RPS6KC1: variants seen among roughly 807,000 people sequenced by gnomAD.
RPS6KC1 encodes the protein inactive ribosomal protein S6 kinase delta-1.
Under a neutral mutation model 103.8 loss-of-function variants are expected in RPS6KC1, and 54 were observed. The observed-to-expected ratio is 0.52, with a 90% CI of 0.42 to 0.65. RPS6KC1 has a LOEUF of 0.65. Ranked by LOEUF, RPS6KC1 falls within the 30% of genes least tolerant of loss-of-function variation. The probability of loss-of-function intolerance (pLI) is 0.00; values close to 1 mark genes in which losing one functional copy is unlikely to be tolerated. For missense variants in RPS6KC1, 1,151 were observed against 1,253.8 expected (o/e 0.92, Z 1.24); for synonymous variants, 439 against 438.7 (o/e 1.00, Z -0.01).
At chr1:213,579,542 A>G in the RPS6KC1 span, among the ~76,000 whole-genome samples, 1 of 152,132 alleles carries the variant, frequency 6.6e-6, no homozygotes, top group Non-Finnish European at 1.5e-5. Flanking sequence ...ATAATAGACA[A>G]CAGATTTTCC....
the RPS6KC1 span, among the ~76,000 whole-genome samples, chr1:213,486,387 A>G: frequency 6.6e-6 from 1 of 152,168 alleles, no homozygotes; most frequent in African/African-American, 2.4e-5. Flanking sequence ...TGAGCTTCCC[A>G]GTTTAATTTG....
the RPS6KC1 span, among the ~76,000 whole-genome samples, chr1:213,484,479 T>C: frequency 6.6e-6 from 1 of 152,224 alleles, no homozygotes; most frequent in African/African-American, 2.4e-5. Context: ...ACAGGGTTGC[T>C]TCACAACATG....
At chr1:213,292,182 A>G in the RPS6KC1 span, among the ~76,000 whole-genome samples, 1 of 152,152 alleles carries the variant, frequency 6.6e-6, no homozygotes, top group Admixed American at 6.5e-5. Flanking sequence ...GCACACCAGC[A>G]TGGCACATGT....
At chr1:213,376,124 G>C in the RPS6KC1 span, among the ~76,000 whole-genome samples, 14 of 142,324 alleles carry the variant, frequency 9.8e-5, no homozygotes, top group East Asian at 2.8e-3. Flanking sequence ...GTGTGTGTGT[G>C]TGTGTGTAAA....
chr1:213,370,256 T>TATTTG, the RPS6KC1 span, among the ~76,000 whole-genome samples: 1 of 150,604 alleles, frequency 6.6e-6, no homozygotes, highest in Non-Finnish European at 1.5e-5. Context: ...TTATTTATTT[T>TATTTG]ATTTTATTTT....
At chr1:213,567,924 C>T in the RPS6KC1 span, among the ~76,000 whole-genome samples, 2 of 152,168 alleles carry the variant, frequency 1.3e-5, no homozygotes, top group Non-Finnish European at 2.9e-5. Flanking sequence ...CCTGTAATAA[C>T]TTTATTTCTG....
chr1:213,318,796 A>G, the RPS6KC1 span, among the ~76,000 whole-genome samples: 10 of 152,284 alleles, frequency 6.6e-5, no homozygotes, highest in East Asian at 3.9e-4. Context: ...CCATGATTCA[A>G]TTACCTCCCA....
At chr1:213,317,761 T>C in the RPS6KC1 span, among the ~76,000 whole-genome samples, 14 of 152,234 alleles carry the variant, frequency 9.2e-5, no homozygotes, top group African/African-American at 2.7e-4. Flanking sequence ...TTATTGGTCA[T>C]ACTGAGGCAT....
chr1:213,118,390 T>A (rs966815585), intron 5 of RPS6KC1, among the ~76,000 whole-genome samples: 3 of 152,098 alleles, frequency 2.0e-5, no homozygotes, highest in African/African-American at 7.2e-5. Context: ...TTAGGTGGCT[T>A]AGGTTTGGTT....
the RPS6KC1 span, among the ~76,000 whole-genome samples, chr1:213,471,751 T>G: frequency 6.6e-6 from 1 of 152,044 alleles, no homozygotes; most frequent in Admixed American, 6.6e-5. Flanking sequence ...GCCTTCATTT[T>G]TTTTTTTTTT....
At chr1:213,065,265 G>A (rs2078229892) in intron 1 of RPS6KC1, among the ~76,000 whole-genome samples, 2 of 152,120 alleles carry the variant, frequency 1.3e-5, no homozygotes, top group South Asian at 2.1e-4. Flanking sequence ...TTGAGCCATC[G>A]TGTCTGGCCC....
chr1:213,602,120 C>CTTTCTTTCTTTCTTTGTTCTTTCTTTCTT, the RPS6KC1 span, among the ~76,000 whole-genome samples: 1 of 5,154 alleles, frequency 1.9e-4, no homozygotes, highest in Non-Finnish European at 3.7e-4. Flanking sequence ...TTCTTTCTTT[C>CTTTCTTTCTTTCTTTGTTCTTTCTTTCTT]TCTTTCTTTC....
chr1:213,426,035 T>A, the RPS6KC1 span, among the ~76,000 whole-genome samples: 1 of 151,910 alleles, frequency 6.6e-6, no homozygotes, highest in African/African-American at 2.4e-5. Context: ...TTGTTCCTTT[T>A]CTTCTTCTTC....
At chr1:213,240,212 C>T (rs971818962) in intron 10 of RPS6KC1, among the ~76,000 whole-genome samples, 1 of 152,062 alleles carries the variant, frequency 6.6e-6, no homozygotes. Flanking sequence ...TTCCTCCAAT[C>T]CTGGACTGGA....
chr1:213,857,504 G>A, the RPS6KC1 span, among the ~76,000 whole-genome samples: 1 of 152,222 alleles, frequency 6.6e-6, no homozygotes, highest in Admixed American at 6.5e-5. Context: ...CATTTCACCA[G>A]GACTCCTCAA....
chr1:213,177,740 AG>A (rs758290269), intron 8 of RPS6KC1, among the ~76,000 whole-genome samples: 1 of 152,130 alleles, frequency 6.6e-6, no homozygotes, highest in Non-Finnish European at 1.5e-5. Context: ...AGTAGTTTCT[AG>A]GTTCTCAGAT....
At chr1:213,222,694 A>T (rs886993975) in intron 8 of RPS6KC1, among the ~76,000 whole-genome samples, 5 of 152,202 alleles carry the variant, frequency 3.3e-5, no homozygotes, top group African/African-American at 1.2e-4. Context: ...AAGATGCCTC[A>T]TGAGAATAAG....
chr1:213,857,997 A>G, the RPS6KC1 span, among the ~76,000 whole-genome samples: 2 of 152,224 alleles, frequency 1.3e-5, no homozygotes, highest in South Asian at 4.1e-4. Context: ...GAGAAGCTCT[A>G]TAAGCAATTA....
At chr1:213,823,933 G>C in the RPS6KC1 span, among the ~76,000 whole-genome samples, 1 of 152,272 alleles carries the variant, frequency 6.6e-6, no homozygotes, top group South Asian at 2.1e-4. Context: ...AGGCACAAAA[G>C]GGACTAAGTA....
Sources: allele counts gnomAD v4.1 joint callset (sites outside exome capture counted in the v4.1 genomes callset), GRCh38; gene constraint gnomAD v4.1.1; transcripts MANE v1.5; gene names NCBI Gene and HGNC (gene_info 2026-07-23, HGNC 2026-07-21).